ERCC3: variants seen among roughly 807,000 people sequenced by gnomAD.
The protein encoded by ERCC3 is general transcription and DNA repair factor IIH helicase/translocase subunit XPB.
ERCC3 carries 66 observed loss-of-function variants against 94.2 expected under a neutral mutation model. The observed-to-expected ratio is 0.70, with a 90% confidence interval of 0.57 to 0.86. The LOEUF is 0.86. Ranked by LOEUF, ERCC3 falls within the 40% of genes least tolerant of loss-of-function variation. ERCC3 has a pLI of 0.00. For synonymous variants in ERCC3, 349 were observed against 369.1 expected (o/e 0.95, Z 0.63); for missense variants, 829 against 987.1 (o/e 0.84, Z 2.15).
At position 127,286,819 on chromosome 2, in the gene ERCC3, G is replaced by C. The variant is rs1199596535; in HGVS notation, c.1226C>G (p.Thr409Ser). 6 of 1,614,100 alleles carry C rather than the reference G, an allele frequency of 3.7e-6. No homozygotes were observed. Among genetic ancestry groups the C allele is most frequent in the Non-Finnish European group, 5.1e-6 (6 of 1,180,050 alleles). ...KPIGCSVAIS[T>S]YSMLGHTTKR... Reference sequence around the variant, plus strand: ...GGTGGTGTGGCCCAGCATGGAGTAGGTGCTAATGGCAACGGAGCAGCCGAT... The same window carrying C: ...GGTGGTGTGGCCCAGCATGGAGTAGCTGCTAATGGCAACGGAGCAGCCGAT... The change falls in exon 8 of 15, where the codon ACC becomes AGC. Residue 409 changes from threonine to serine, a missense_variant. Physicochemically the swap from Thr to Ser is moderately conservative, Grantham distance 58. Transcript: ENST00000285398.
rs1685285430 is a variant in ERCC3 at position 127,291,949 on chromosome 2, A to C, written c.471+661T>G. 6.3e-6 allele frequency: 1 copy of C among 157,798 alleles called. No homozygotes were observed. The highest frequency in any genetic ancestry group is 1.4e-5 in the Non-Finnish European group (1 of 71,082). 9.8% of individuals were successfully genotyped at this position (157,798 alleles called of 1,614,324 possible). ...GCTTGGGCTGCCATAATAAAATTCC[A>C]GACTGGGTGGCTTCAACATTAGAAC... On this transcript the variant is annotated intron_variant, in intron 3 of 14. Coordinates refer to ENST00000285398, the MANE Select transcript of ERCC3 (RefSeq NM_000122.2). The surrounding 1 kb of genome is among the most constrained non-coding windows in gnomAD (Gnocchi z 4.9).
chr2:127,283,330 G>T (rs761283029), intron 8 of ERCC3, among the ~76,000 whole-genome samples: 1 of 152,064 alleles, frequency 6.6e-6, no homozygotes, highest in Non-Finnish European at 1.5e-5. Flanking sequence ...TTGTATAAAT[G>T]AAATCACATA....
rs369148140 is a variant in ERCC3 at position 127,275,891 on chromosome 2, G to A, written c.1731-2930C>T. Among the ~76,000 whole-genome samples the A allele has an allele frequency of 8.6e-4, 131 of 152,246 alleles. 2 individuals are homozygous for A. The highest frequency in any genetic ancestry group is 3.0e-3 in the African/African-American group (123 of 41,562). ...GCTGGAGCCGGCAGGAGGGAAGACC[G>A]ATACAAAACCCGCCGCCTCTGTGTC... is the stretch of plus-strand genomic sequence containing the variant. On this transcript the variant is annotated intron_variant, in intron 10 of 14. Coordinates refer to ENST00000285398, the MANE Select transcript of ERCC3 (RefSeq NM_000122.2).
chr2:127,278,171 A>C (rs1407203000), intron 10 of ERCC3, among the ~76,000 whole-genome samples: 4 of 151,994 alleles, frequency 2.6e-5, no homozygotes, highest in African/African-American at 9.6e-5. Context: ...CCAGGGGGTC[A>C]AGGCTGCCGT....
Position 127,259,524 on chromosome 2 carries a change from A to T in ERCC3, c.2065-76T>A. On this transcript the variant is annotated intron_variant, in intron 13 of 14. Transcript: ENST00000285398. This position sits in a 1 kb window ranked among gnomAD's most constrained non-coding sequence, Gnocchi z 4.9. ...CCCTCCTCTGCCTTCTCCTGGGTCCACCTGCTTTGGTCACTTCCCTCCCCA... is the reference window on the plus strand; with the variant it reads ...CCCTCCTCTGCCTTCTCCTGGGTCCTCCTGCTTTGGTCACTTCCCTCCCCA... The T allele has an allele frequency of 6.3e-7, 1 of 1,597,052 alleles. No homozygotes were observed.
At position 127,286,878 on chromosome 2, in the gene ERCC3, G is replaced by T. The variant is rs1685086985; in HGVS notation, c.1167C>A (p.Ile389=). The change falls in exon 8 of 15, where the codon ATC becomes ATA. Residue 389 remains isoleucine, a synonymous_variant. Transcript: ENST00000285398. The part of the protein sequence containing the change: ...KMWSTIDDSQ[I]CRFTSDAKDK... ...CCTTGGCATCGGAGGTGAACCGGCA[G>T]ATCTGGCTGTCGTCAATGGTGGACC... is the stretch of plus-strand genomic sequence containing the variant. 2 of 1,614,104 alleles carry T rather than the reference G, an allele frequency of 1.2e-6. No homozygotes were observed. Among genetic ancestry groups the T allele is most frequent in the African/African-American group, 1.3e-5 (1 of 74,928 alleles).
rs1237090337 is a variant in ERCC3 at position 127,277,839 on chromosome 2, AGTGGTGTATGT to A, written c.1730+1323_1730+1333del. ...TAGGAGAGAAAACAGGAGTGGGGAG[AGTGGTGTATGT>A]AAGAAAGCTAAACCCTCAACTCCTA... is the stretch of plus-strand genomic sequence containing the variant. On this transcript the variant is annotated intron_variant, in intron 10 of 14. Transcript: ENST00000285398. This position sits in a 1 kb window ranked among gnomAD's most constrained non-coding sequence, Gnocchi z 5.1. Among the ~76,000 whole-genome samples the A allele has an allele frequency of 2.0e-5, 3 of 152,200 alleles. No individual in the cohort carries two copies. The South Asian group carries it at 6.2e-4, about 32-fold the overall frequency.
intron 7 of ERCC3, 22 bp downstream of exon 7, chr2:127,288,638 T>G (rs1307316553): frequency 6.2e-7 from 1 of 1,607,578 alleles, no homozygotes; most frequent in African/African-American, 1.3e-5. Context: ...CTGACCACCT[T>G]CTTAACTCTG....
chr2:127,273,749 C>CAAAA (rs398039596), intron 10 of ERCC3, among the ~76,000 whole-genome samples: 3 of 40,108 alleles, frequency 7.5e-5, no homozygotes, highest in South Asian at 2.6e-3. Context: ...AACTCTGTCT[C>CAAAA]AAAAAAAAAA....
rs964234688 is a variant in ERCC3 at position 127,290,386 on chromosome 2, G to C, written c.472-113C>G. On this transcript the variant is annotated intron_variant, in intron 3 of 14. Coordinates refer to ENST00000285398, the MANE Select transcript of ERCC3 (RefSeq NM_000122.2). ...AGTGAAAAGTTCATTTTACTTTAGG[G>C]AAACCCAACTTGCAATCCTAAAGTG... 9.4e-5 allele frequency: 86 copies of C among 917,150 alleles called. No homozygotes were observed. The Middle Eastern group carries it at 1.7e-3, about 18-fold the overall frequency. The allele number at this position is 917,150 out of a possible 1,614,324, so 56.8% of individuals were successfully genotyped here.
At position 127,257,740 on chromosome 2, in the gene ERCC3, G is replaced by A. The variant is rs2104726120; in HGVS notation, c.2218-13C>T. The stretch of plus-strand genomic sequence containing the variant: ...AGCGCCGAGATGCCTGCCGGGAAGG[G>A]GGAACCAGCCCATGTTAGTCTCCAG... On this transcript the variant is annotated splice_polypyrimidine_tract_variant and intron_variant, in intron 14 of 14. Coordinates refer to ENST00000285398, the MANE Select transcript of ERCC3 (RefSeq NM_000122.2). This position sits in a 1 kb window ranked among gnomAD's most constrained non-coding sequence, Gnocchi z 5.4. The A allele has an allele frequency of 6.2e-7, 1 of 1,614,078 alleles. No homozygotes were observed. Among genetic ancestry groups the A allele is most frequent in the Non-Finnish European group, 8.5e-7 (1 of 1,180,006 alleles).
chr2:127,271,848 C>T lies in ERCC3; in HGVS notation c.1828-395G>A, dbSNP rs1188347862. Among the ~76,000 whole-genome samples, 1 of 152,100 alleles carries T rather than the reference C, an allele frequency of 6.6e-6. No individual in the cohort carries two copies. The highest frequency in any genetic ancestry group is 1.9e-4 in the East Asian group (1 of 5,178). On this transcript the variant is annotated intron_variant, in intron 11 of 14. Transcript: ENST00000285398. The surrounding 1 kb of genome is among the most constrained non-coding windows in gnomAD (Gnocchi z 5.0). ...CTGTTGGCCACTGACACCAGCAGCA[C>T]ACGTGGGATGTGACCTGGGAGGAAC...
intron 10 of ERCC3, among the ~76,000 whole-genome samples, chr2:127,273,857 T>G (rs1190398840): frequency 1.3e-5 from 2 of 148,202 alleles, no homozygotes; most frequent in African/African-American, 5.0e-5. Context: ...AATGTCACAC[T>G]CCTTCCCTCT....
chr2:127,289,497 G>GAAATCT lies in ERCC3; in HGVS notation c.658-2_661dup (p.Ile220_Ser221insTer). ...CCCACCACTGCTTTCAGCAGTCTTA[G>GAAATCT]AAATCTGTGAGAGAGGTAGGTGCTG... On this transcript the variant is annotated stop_gained, in exon 6 of 15. Coordinates refer to ENST00000285398, the MANE Select transcript of ERCC3 (RefSeq NM_000122.2). LOFTEE classifies it high-confidence loss of function. 1 of 1,612,486 alleles carries GAAATCT rather than the reference G, an allele frequency of 6.2e-7. No individual in the cohort carries two copies. Among genetic ancestry groups the GAAATCT allele is most frequent in the Non-Finnish European group, 8.5e-7 (1 of 1,180,028 alleles).
Position 127,259,529 on chromosome 2 carries a change from C to T in ERCC3, c.2065-81G>A. The T allele has an allele frequency of 6.3e-7, 1 of 1,584,480 alleles. No homozygotes were observed. The highest frequency in any genetic ancestry group is 8.6e-7 in the Non-Finnish European group (1 of 1,159,944). On this transcript the variant is annotated intron_variant, in intron 13 of 14. Transcript: ENST00000285398. The surrounding 1 kb of genome is among the most constrained non-coding windows in gnomAD (Gnocchi z 4.9). ...CTCTGCCTTCTCCTGGGTCCACCTG[C>T]TTTGGTCACTTCCCTCCCCAGGCCC...
intron 12 of ERCC3, among the ~76,000 whole-genome samples, chr2:127,263,812 A>AT (rs932405124): frequency 6.7e-6 from 1 of 149,602 alleles, no homozygotes; most frequent in African/African-American, 2.5e-5. Flanking sequence ...GGTTCATGCC[A>AT]TTCTCCTGCT....
At chr2:127,272,007 C>CTTTTTTTT (rs59921131) in intron 11 of ERCC3, among the ~76,000 whole-genome samples, 1 of 63,032 alleles carries the variant, frequency 1.6e-5, no homozygotes, top group Non-Finnish European at 2.8e-5. Flanking sequence ...AATCTCATTT[C>CTTTTTTTT]TTTTTTTTTT....
At chr2:127,278,783 C>T (rs1410751248) in intron 10 of ERCC3, among the ~76,000 whole-genome samples, 1 of 152,218 alleles carries the variant, frequency 6.6e-6, no homozygotes, top group Admixed American at 6.5e-5. Flanking sequence ...GCCAGCCCAG[C>T]CCATCTTGCC....
chr2:127,273,940 A>G (rs1172299026), intron 10 of ERCC3, among the ~76,000 whole-genome samples: 2 of 151,794 alleles, frequency 1.3e-5, no homozygotes, highest in Non-Finnish European at 2.9e-5. Flanking sequence ...TGATGATGAC[A>G]ACAGCAAAGA....
Sources: gnomAD v4.1 joint callset for allele counts (sites outside exome capture counted in the v4.1 genomes callset) on GRCh38, gnomAD v4.1.1 for gene constraint, Gnocchi (gnomAD v3.1) non-coding constraint, MANE v1.5 for transcripts, NCBI Gene and HGNC (gene_info 2026-07-23, HGNC 2026-07-21) for gene names.